The following ICAM5 variants were observed in gnomAD, a reference collection of about 807,000 sequenced individuals.
ICAM5 encodes intercellular adhesion molecule 5.
In ICAM5, 38 loss-of-function variants were observed where a neutral mutation model predicts 78.8. The observed-to-expected ratio is 0.48, with a 90% confidence interval of 0.37 to 0.63. The LOEUF (loss-of-function observed/expected upper bound fraction) is 0.63. Among genes scored for constraint, ICAM5 ranks in the 30% least tolerant of loss-of-function variants. The pLI is 0.00. For missense variants in ICAM5, 1,059 were observed against 1,303.0 expected, an observed-to-expected ratio of 0.81 and a Z score of 2.88; for synonymous variants, 544 against 590.9, an observed-to-expected ratio of 0.92 and a Z score of 1.15.
rs1041993349 is a variant in ICAM5 at position 10,290,248 on chromosome 19, G to A, written c.82+123G>A. 6 of 677,062 alleles carry A rather than the reference G, an allele frequency of 8.9e-6. No individual in the cohort carries two copies. Among genetic ancestry groups the A allele is most frequent in the African/African-American group, 3.8e-5 (2 of 52,140 alleles). The allele number at this position is 677,062 out of a possible 1,614,324, so 41.9% of individuals were successfully genotyped here. A position where few individuals can be genotyped will look rare whatever the true frequency, so the allele number is the denominator to read the frequency against. ...GCTCCCACGCCTCTGCCCCCACCTC[G>A]AGCCTGAGTCTTCTCCCCTTCCCCC... On this transcript the variant is annotated intron_variant, in intron 1 of 10. Coordinates refer to ENST00000221980, the MANE Select transcript of ICAM5 (RefSeq NM_003259.4). The surrounding 1 kb of genome is among the most constrained non-coding windows in gnomAD (Gnocchi z 5.7).
Position 10,296,651 on chromosome 19 carries a change from C to A in ICAM5, c.*35C>A. On this transcript the variant is annotated 3_prime_UTR_variant, in exon 11 of 11. Coordinates refer to ENST00000221980, the MANE Select transcript of ICAM5 (RefSeq NM_003259.4). ...CCTCTCCCCGCGGGCCGGGGGACGCCCCCCAGACTCACACGGGGGCTTATT... is the reference window on the plus strand; with the variant it reads ...CCTCTCCCCGCGGGCCGGGGGACGCACCCCAGACTCACACGGGGGCTTATT... 8.3e-7 allele frequency: 1 copy of A among 1,206,230 alleles called. No homozygotes were observed. The highest frequency in any genetic ancestry group is 1.0e-6 in the Non-Finnish European group (1 of 968,890). 74.7% of individuals were successfully genotyped at this position (1,206,230 alleles called of 1,614,324 possible). A position where few individuals can be genotyped will look rare whatever the true frequency, so the allele number is the denominator to read the frequency against.
chr19:10,292,381 G>T, intron 4 of ICAM5, 59 bp downstream of exon 4: 3 of 1,510,934 alleles, frequency 2.0e-6, no homozygotes, highest in Non-Finnish European at 2.7e-6. Context: ...ATGCGAAGGC[G>T]GGGCGAAGAG....
rs1252071904 is a variant in ICAM5 at position 10,291,499 on chromosome 19, T to A, written c.363T>A (p.Asp121Glu). 2 of 1,612,408 alleles carry A rather than the reference T, an allele frequency of 1.2e-6. No homozygotes were observed. Among genetic ancestry groups the A allele is most frequent in the Admixed American group, 3.3e-5 (2 of 59,948 alleles). The change falls in exon 3 of 11, where the codon GAT (aspartate) becomes GAA (glutamate). Residue 121 changes from aspartate to glutamate, a missense_variant. Physicochemically the swap from Asp to Glu is conservative, Grantham distance 45. Coordinates refer to ENST00000221980, the MANE Select transcript of ICAM5 (RefSeq NM_003259.4). ...RGLIRTFQRPDRVELMPLPPW... is the reference protein window; with the variant it reads ...RGLIRTFQRPERVELMPLPPW... ...TCTTCCCCCTTGCAGAGCGACCAGA[T>A]CGCGTAGAGCTGATGCCGCTGCCTC... is the stretch of plus-strand genomic sequence containing the variant.
rs1260729307 is a variant in ICAM5 at position 10,289,993 on chromosome 19, AG to A, written c.-50del. ...GCCGCGCGGAGCCGTCCTCTAGCCC[AG>A]CTCCTCGGCTCGCGCTCTCCTCGCC... On this transcript the variant is annotated 5_prime_UTR_variant, in exon 1 of 11. Coordinates refer to ENST00000221980, the MANE Select transcript of ICAM5 (RefSeq NM_003259.4). 1.8e-5 allele frequency: 27 copies of A among 1,470,338 alleles called. No homozygotes were observed. The highest frequency in any genetic ancestry group is 2.2e-5 in the Non-Finnish European group (24 of 1,091,586). 91.1% of individuals were successfully genotyped at this position (1,470,338 alleles called of 1,614,324 possible).
chr19:10,296,004 G>A (rs2040217576), intron 10 of ICAM5, among the ~76,000 whole-genome samples: 1 of 152,054 alleles, frequency 6.6e-6, no homozygotes, highest in Admixed American at 6.5e-5. Flanking sequence ...ACTTCCTGAA[G>A]CTCCTGGGGC....
chr19:10,291,667 G>A lies in ICAM5; in HGVS notation c.531G>A (p.Arg177=), dbSNP rs773671928. 1.4e-5 allele frequency: 22 copies of A among 1,612,260 alleles called. No individual in the cohort carries two copies. Among genetic ancestry groups the A allele is most frequent in the Non-Finnish European group, 1.3e-5 (15 of 1,179,726 alleles). ...RSFAGEPPRA[R]GAVLTATVLA... ...TCGCCGGTGAACCACCCCGAGCGCG[G>A]GGCGCGGTGCTCACAGCCACGGTAC... The change falls in exon 3 of 11, where the codon CGG becomes CGA. Residue 177 remains arginine (R), a synonymous_variant. Coordinates refer to ENST00000221980, the MANE Select transcript of ICAM5 (RefSeq NM_003259.4).
At chr19:10,295,707 C>A in intron 10 of ICAM5, 95 bp downstream of exon 10, 1 of 1,352,972 alleles carries the variant, frequency 7.4e-7, no homozygotes, top group Non-Finnish European at 9.9e-7. Context: ...CCCTCTCGGT[C>A]CCGGTAGACT....
In ICAM5 at chr19:10,290,740, C is replaced by G. The variant is rs966855141; in HGVS notation, c.83-332C>G. 2.4e-6 allele frequency: 1 copy of G among 419,578 alleles called. No homozygotes were observed. The highest frequency in any genetic ancestry group is 4.3e-6 in the Non-Finnish European group (1 of 233,716). The allele number at this position is 419,578 out of a possible 1,614,324, so 26.0% of individuals were successfully genotyped here. On this transcript the variant is annotated intron_variant, in intron 1 of 10. Transcript: ENST00000221980. This position sits in a 1 kb window ranked among gnomAD's most constrained non-coding sequence, Gnocchi z 5.7. ...AACTGGTTCATCCCCCATCCCCCAT[C>G]CCGGGTCCCCTTCTCTCAGCCTTGC...
rs897345596 is a variant in ICAM5, at chr19:10,296,577, G to C, written c.2736G>C (p.Ala912=). Reference sequence around the variant, plus strand: ...CGGGGGGCGCGGCCGAGTCGCCGGCGGAGGGCGAGGTCTTCGCCATACAGC... The same window carrying C: ...CGGGGGGCGCGGCCGAGTCGCCGGCCGAGGGCGAGGTCTTCGCCATACAGC... ...EAAGGAAESP[A]EGEVFAIQLT... Residue 912 remains alanine (A), a synonymous_variant, in exon 11 of 11, where the codon GCG becomes GCC. Transcript: ENST00000221980. 30 of 1,217,938 alleles carry C rather than the reference G, an allele frequency of 2.5e-5. No homozygotes were observed. The highest frequency in any genetic ancestry group is 8.8e-5 in the Admixed American group (2 of 22,788). The allele number at this position is 1,217,938 out of a possible 1,614,324, so 75.4% of individuals were successfully genotyped here. A position where few individuals can be genotyped will look rare whatever the true frequency, so the allele number is the denominator to read the frequency against.
chr19:10,290,375 GAGACCCAGT>G lies in ICAM5; in HGVS notation c.82+251_82+259del. 1 of 458,276 alleles carries G rather than the reference GAGACCCAGT, an allele frequency of 2.2e-6. No individual in the cohort carries two copies. Among genetic ancestry groups the G allele is most frequent in the South Asian group, 3.7e-5 (1 of 26,802 alleles). The allele number at this position is 458,276 out of a possible 1,614,324, so 28.4% of individuals were successfully genotyped here. On this transcript the variant is annotated intron_variant, in intron 1 of 10. Transcript: ENST00000221980. This position sits in a 1 kb window ranked among gnomAD's most constrained non-coding sequence, Gnocchi z 5.7. ...CTTCCGCACCCAACCCTTCGCCCTG[GAGACCCAGT>G]GTCTCTCCTGTCCGCTCCCCGGGTA... is the stretch of plus-strand genomic sequence containing the variant.
intron 10 of ICAM5, 67 bp downstream of exon 10, chr19:10,295,679 G>T (rs951317707): frequency 1.4e-6 from 2 of 1,460,092 alleles, no homozygotes; most frequent in South Asian, 1.3e-5. Flanking sequence ...GTCTTGGGGC[G>T]GCCGGCCCCG....
At chr19:10,292,441 G>A (rs1313579440) in intron 4 of ICAM5, 119 bp downstream of exon 4, 9 of 1,372,756 alleles carry the variant, frequency 6.6e-6, no homozygotes, top group Non-Finnish European at 8.9e-6. Flanking sequence ...GGCGGGGCAG[G>A]TGGGGGCGGA....
chr19:10,290,002 G>GCTCGCGCTCTCCTCGC lies in ICAM5; in HGVS notation c.-38_-23dup. 2 of 1,515,110 alleles carry GCTCGCGCTCTCCTCGC rather than the reference G, an allele frequency of 1.3e-6. No homozygotes were observed. Among genetic ancestry groups the GCTCGCGCTCTCCTCGC allele is most frequent in the African/African-American group, 2.8e-5 (2 of 71,970 alleles). The allele number at this position is 1,515,110 out of a possible 1,614,324, so 93.9% of individuals were successfully genotyped here. A position where few individuals can be genotyped will look rare whatever the true frequency, so the allele number is the denominator to read the frequency against. On this transcript the variant is annotated 5_prime_UTR_variant, in exon 1 of 11. Transcript: ENST00000221980. This position sits in a 1 kb window ranked among gnomAD's most constrained non-coding sequence, Gnocchi z 5.7. ...AGCCGTCCTCTAGCCCAGCTCCTCG[G>GCTCGCGCTCTCCTCGC]CTCGCGCTCTCCTCGCCTCCTGTGC...
In ICAM5 at chr19:10,291,500, C is replaced by T; in HGVS notation, c.364C>T (p.Arg122Cys). 8 of 1,612,412 alleles carry T rather than the reference C, an allele frequency of 5.0e-6. No homozygotes were observed. Among genetic ancestry groups the T allele is most frequent in the Non-Finnish European group, 5.9e-6 (7 of 1,179,894 alleles). The change falls in exon 3 of 11, where the codon CGC (arginine) becomes TGC (cysteine). Residue 122 changes from arginine (R) to cysteine (C), a missense_variant. Arg to Cys is a radical substitution (Grantham distance 180). This residue lies in a region of ICAM5 where 815 missense variants were observed against 952.8 expected (regional missense o/e 0.86). Coordinates refer to ENST00000221980, the MANE Select transcript of ICAM5 (RefSeq NM_003259.4). The stretch of plus-strand genomic sequence containing the variant: ...CTTCCCCCTTGCAGAGCGACCAGAT[C>T]GCGTAGAGCTGATGCCGCTGCCTCC... Reference protein sequence around the residue: ...GLIRTFQRPDRVELMPLPPWQ... With the variant: ...GLIRTFQRPDCVELMPLPPWQ...
chr19:10,291,077 TCG>T lies in ICAM5; in HGVS notation c.90_91del (p.Gln31GlyfsTer112). 6.2e-7 allele frequency: 1 copy of T among 1,606,912 alleles called. No homozygotes were observed. The highest frequency in any genetic ancestry group is 8.5e-7 in the Non-Finnish European group (1 of 1,176,528). ...GLGLFGLSAV[S>X]QEPFWADLQP... ...GCCCGCGTTTCCCTGGGCAGCGGTCTCGCAGGAGCCCTTCTGGGCGGACCTGC... is the reference window on the plus strand; with the variant it reads ...GCCCGCGTTTCCCTGGGCAGCGGTCTCAGGAGCCCTTCTGGGCGGACCTGC... On this transcript the variant is annotated frameshift_variant, in exon 2 of 11. Coordinates refer to ENST00000221980, the MANE Select transcript of ICAM5 (RefSeq NM_003259.4). LOFTEE classifies it high-confidence loss of function.
Position 10,293,833 on chromosome 19 carries a change from C to G in ICAM5, c.1601C>G (p.Ala534Gly). 6.2e-7 allele frequency: 1 copy of G among 1,613,048 alleles called. No individual in the cohort carries two copies. Residue 534 changes from alanine to glycine, a missense_variant, in exon 7 of 11, where the codon GCC becomes GGC. This residue lies in a region of ICAM5 where 815 missense variants were observed against 952.8 expected (regional missense o/e 0.86). Coordinates refer to ENST00000221980, the MANE Select transcript of ICAM5 (RefSeq NM_003259.4). This position sits in a 1 kb window ranked among gnomAD's most constrained non-coding sequence, Gnocchi z 5.0. Reference sequence around the variant, plus strand: ...TGCGTGCGCTCTGGAGAACTCGGGGCCGTCATCGAGGGGCTGTTGCGTGTG... The same window carrying G: ...TGCGTGCGCTCTGGAGAACTCGGGGGCGTCATCGAGGGGCTGTTGCGTGTG... ...VICVRSGELG[A>G]VIEGLLRVAR... is the part of the protein sequence containing the mutation.
chr19:10,290,699 C>G lies in ICAM5; in HGVS notation c.83-373C>G, dbSNP rs1232955368. ...CGCACTCTCCTCGTATCCCGGCATT[C>G]TGCCAGGACCCTGAGAACTGGTTCA... On this transcript the variant is annotated intron_variant, in intron 1 of 10. Coordinates refer to ENST00000221980, the MANE Select transcript of ICAM5 (RefSeq NM_003259.4). The surrounding 1 kb of genome is among the most constrained non-coding windows in gnomAD (Gnocchi z 5.7). 1 of 324,952 alleles carries G rather than the reference C, an allele frequency of 3.1e-6. No homozygotes were observed. The highest frequency in any genetic ancestry group is 5.7e-6 in the Non-Finnish European group (1 of 176,306). The allele number at this position is 324,952 out of a possible 1,614,324, so 20.1% of individuals were successfully genotyped here.
At position 10,295,628 on chromosome 19, in the gene ICAM5, G is replaced by A. The variant is rs776961429; in HGVS notation, c.2497+16G>A. 6.5e-7 allele frequency: 1 copy of A among 1,534,160 alleles called. No individual in the cohort carries two copies. The highest frequency in any genetic ancestry group is 1.4e-5 in the African/African-American group (1 of 72,976). ...CGCGTGGCCGGTAAGTGGCAGCTGG[G>A]GAGAGGCGGGGCGAGGTATCTGAGA... On this transcript the variant is annotated intron_variant, in intron 10 of 10. Transcript: ENST00000221980.
In ICAM5 at chr19:10,293,105, C is replaced by T; in HGVS notation, c.1324C>T (p.His442Tyr). ...CCGCGGGAACCCAGAACCCTCAGTG[C>T]ACTGTGCGCGCTCCGACGGCGGGGC... ...EARGNPEPSV[H>Y]CARSDGGAVL... is the part of the protein sequence containing the mutation. Residue 442 changes from histidine to tyrosine, a missense_variant, in exon 6 of 11, where the codon CAC (histidine) becomes TAC (tyrosine). This residue lies in a region of ICAM5 where 815 missense variants were observed against 952.8 expected (regional missense o/e 0.86). Transcript: ENST00000221980. This position sits in a 1 kb window ranked among gnomAD's most constrained non-coding sequence, Gnocchi z 5.0. 1.2e-6 allele frequency: 2 copies of T among 1,610,036 alleles called. No homozygotes were observed.
Sources: gnomAD v4.1 joint callset for allele counts (sites outside exome capture counted in the v4.1 genomes callset) on GRCh38, gnomAD v4.1.1 for gene constraint, gnomAD v4.1.1 regional missense constraint, Gnocchi (gnomAD v3.1) non-coding constraint, MANE v1.5 for transcripts, NCBI Gene and HGNC (gene_info 2026-07-23, HGNC 2026-07-21) for gene names.